Variants in RNGTT observed in about 807,000 individuals in gnomAD.
RNGTT encodes the protein RNA guanylyltransferase and 5'-phosphatase.
A neutral mutation model predicts 79.3 loss-of-function variants in RNGTT; 33 were observed. That is an observed-to-expected ratio of 0.42 (90% CI 0.32 to 0.56). RNGTT has a LOEUF of 0.56. RNGTT is among the 20% of genes least tolerant of loss of function. RNGTT has a pLI of 0.17. For synonymous variants in RNGTT, 222 were observed against 235.9 expected (o/e 0.94, Z 0.54); for missense variants, 497 against 739.1 (o/e 0.67, Z 3.80).
At chr6:88,913,179 TGG>T in intron 4 of RNGTT, among the ~76,000 whole-genome samples, 1 of 137,892 alleles carries the variant, frequency 7.3e-6, no homozygotes, top group Admixed American at 8.2e-5. Context: ...CACTCCAGCC[TGG>T]CCAGTAGAGT....
intron 1 of RNGTT, among the ~76,000 whole-genome samples, chr6:88,954,230 C>CT (rs1163721977): frequency 1.3e-5 from 2 of 152,134 alleles, no homozygotes; most frequent in Non-Finnish European, 2.9e-5. Context: ...TATCTGCTGC[C>CT]TTCAAGAGAC....
intron 4 of RNGTT, among the ~76,000 whole-genome samples, chr6:88,926,676 G>GAT (rs1784328975): frequency 6.6e-6 from 1 of 152,154 alleles, no homozygotes; most frequent in Non-Finnish European, 1.5e-5. Flanking sequence ...GATTGCTTAG[G>GAT]ATATAATCCA....
At chr6:88,946,534 A>C (rs1785014820) in intron 1 of RNGTT, among the ~76,000 whole-genome samples, 1 of 152,230 alleles carries the variant, frequency 6.6e-6, no homozygotes, top group Non-Finnish European at 1.5e-5. Flanking sequence ...AGTTCAGTGA[A>C]GAAGGTACAT....
chr6:88,787,820 T>C (rs1779281836), intron 12 of RNGTT, among the ~76,000 whole-genome samples: 1 of 152,042 alleles, frequency 6.6e-6, no homozygotes, highest in African/African-American at 2.4e-5. Context: ...AAGGGAATAA[T>C]TTAAGAGATA....
At position 88,689,043 on chromosome 6, in the gene RNGTT, C is replaced by T. The variant is rs561808714; in HGVS notation, c.1440-10624G>A. Among the ~76,000 whole-genome samples the T allele has an allele frequency of 5.9e-5, 9 of 152,170 alleles. No individual in the cohort carries two copies. The South Asian group carries it at 1.9e-3, about 32-fold the overall frequency. ...GGTAAGGCTTCCAGTCAACAGTAAG[C>T]TATTAGTAGTTAGGTTTGGGGGGGA... On this transcript the variant is annotated intron_variant, in intron 13 of 15. Transcript: ENST00000369485.
At chr6:88,711,247 A>T (rs762821393) in intron 13 of RNGTT, among the ~76,000 whole-genome samples, 15 of 152,178 alleles carry the variant, frequency 9.9e-5, no homozygotes, top group Non-Finnish European at 1.6e-4. Context: ...AACTTTTCTC[A>T]TAATTACATC....
At chr6:88,688,670 A>G (rs1439131760) in intron 13 of RNGTT, among the ~76,000 whole-genome samples, 1 of 152,238 alleles carries the variant, frequency 6.6e-6, no homozygotes, top group Non-Finnish European at 1.5e-5. Context: ...GGTCAAAATC[A>G]AAACACTAAA....
At chr6:88,675,427 C>A (rs1310137899) in intron 14 of RNGTT, among the ~76,000 whole-genome samples, 1 of 152,180 alleles carries the variant, frequency 6.6e-6, no homozygotes, top group Non-Finnish European at 1.5e-5. Context: ...GGTGGTGGCT[C>A]ATGCCTGTAA....
intron 14 of RNGTT, among the ~76,000 whole-genome samples, chr6:88,657,275 G>A (rs566370602): frequency 4.3e-4 from 66 of 152,320 alleles, no homozygotes; most frequent in African/African-American, 1.5e-3. Flanking sequence ...CAGATCATGG[G>A]AGAAGGATTT....
intron 1 of RNGTT, among the ~76,000 whole-genome samples, chr6:88,944,557 C>G (rs1784946439): frequency 6.6e-6 from 1 of 151,984 alleles, no homozygotes; most frequent in East Asian, 1.9e-4. Context: ...TCCCAACCCC[C>G]ACCCCCAACA....
intron 11 of RNGTT, among the ~76,000 whole-genome samples, chr6:88,822,563 G>C (rs891171710): frequency 3.3e-5 from 5 of 152,084 alleles, no homozygotes; most frequent in Non-Finnish European, 5.9e-5. Flanking sequence ...TAGAAAAATA[G>C]GTATAAATCC....
chr6:88,715,550 A>G (rs1364827501), intron 13 of RNGTT, among the ~76,000 whole-genome samples: 1 of 152,192 alleles, frequency 6.6e-6, no homozygotes, highest in East Asian at 1.9e-4. Flanking sequence ...GCATCACACT[A>G]CTTGACTTCA....
At chr6:88,916,416 T>TGA (rs1205648929) in intron 4 of RNGTT, among the ~76,000 whole-genome samples, 27 of 152,166 alleles carry the variant, frequency 1.8e-4, no homozygotes, top group Non-Finnish European at 4.4e-5. Flanking sequence ...GAGGGGGCTG[T>TGA]GAGCTGTGAT....
intron 14 of RNGTT, among the ~76,000 whole-genome samples, chr6:88,664,687 G>A (rs1262110929): frequency 6.6e-6 from 1 of 152,156 alleles, no homozygotes; most frequent in East Asian, 1.9e-4. Flanking sequence ...AGTGCCCTCA[G>A]CTGAAAGAAA....
At chr6:88,940,762 CAT>C (rs1271459778) in intron 2 of RNGTT, among the ~76,000 whole-genome samples, 2 of 152,134 alleles carry the variant, frequency 1.3e-5, no homozygotes, top group South Asian at 2.1e-4. Flanking sequence ...TGAATTTACA[CAT>C]GAGATCAAAC....
intron 13 of RNGTT, among the ~76,000 whole-genome samples, chr6:88,710,591 C>T (rs1776285805): frequency 6.6e-6 from 1 of 152,114 alleles, no homozygotes; most frequent in African/African-American, 2.4e-5. Flanking sequence ...TGAAGCACAA[C>T]CTGTTCATAA....
rs1475441323 is a variant in RNGTT at position 88,844,526 on chromosome 6, AT to A, written c.1105-6del. 1 of 1,594,254 alleles carries A rather than the reference AT, an allele frequency of 6.3e-7. No individual in the cohort carries two copies. Among genetic ancestry groups the A allele is most frequent in the Non-Finnish European group, 8.5e-7 (1 of 1,174,134 alleles). On this transcript the variant is annotated splice_polypyrimidine_tract_variant and splice_region_variant and intron_variant, in intron 10 of 15. Transcript: ENST00000369485. ...ACAATCTCCAACGGGCTGTGACTGA[AT>A]TAAATAAAGAATTAGTTAAATTTCA...
At chr6:88,937,962 A>G (rs182851621) in intron 2 of RNGTT, among the ~76,000 whole-genome samples, 53 of 152,312 alleles carry the variant, frequency 3.5e-4, no homozygotes, top group Admixed American at 1.2e-3. Flanking sequence ...CATATGGTCT[A>G]TCCTAGAGAT....
chr6:88,857,996 A>T (rs917071024), intron 8 of RNGTT, among the ~76,000 whole-genome samples: 6 of 152,194 alleles, frequency 3.9e-5, no homozygotes, highest in Non-Finnish European at 8.8e-5. Context: ...TTCCCTTTGC[A>T]AAGTGGCAAT....
Sources: gnomAD v4.1 joint callset for allele counts (sites outside exome capture counted in the v4.1 genomes callset) on GRCh38, gnomAD v4.1.1 for gene constraint, MANE v1.5 for transcripts, NCBI Gene and HGNC (gene_info 2026-07-23, HGNC 2026-07-21) for gene names.